SAMD12: variants seen among roughly 807,000 people sequenced by gnomAD.
The protein encoded by SAMD12 is sterile alpha motif domain containing 12.
In SAMD12, 9 loss-of-function variants were observed where a neutral mutation model predicts 15.0. That is an observed-to-expected ratio of 0.60 (90% CI 0.36 to 1.05). SAMD12 has a LOEUF of 1.05. Ranked by LOEUF, SAMD12 falls within the 50% of genes least tolerant of loss-of-function variation. SAMD12 has a pLI of 0.01. For synonymous variants in SAMD12, 86 were observed against 90.1 expected (o/e 0.96, Z 0.25); for missense variants, 230 against 234.2 (o/e 0.98, Z 0.12).
chr8:118,577,409 A>T (rs149866055), intron 2 of SAMD12, among the ~76,000 whole-genome samples: 157 of 152,296 alleles, frequency 1.0e-3, no homozygotes, highest in African/African-American at 3.7e-3. Context: ...GATTAAGCAC[A>T]TGCTACAATC....
At chr8:118,552,289 G>T (rs1217623176) in intron 2 of SAMD12, among the ~76,000 whole-genome samples, 2 of 152,114 alleles carry the variant, frequency 1.3e-5, no homozygotes, top group African/African-American at 4.8e-5. Flanking sequence ...TAAAATACCG[G>T]CAAACCGAAT....
the SAMD12 span, among the ~76,000 whole-genome samples, chr8:118,166,919 G>A: frequency 6.6e-6 from 1 of 152,040 alleles, no homozygotes; most frequent in Non-Finnish European, 1.5e-5. Context: ...ATCCCTGCTG[G>A]GCCTCCTCTG....
At chr8:118,528,906 G>T (rs1271660735) in intron 2 of SAMD12, among the ~76,000 whole-genome samples, 1 of 151,976 alleles carries the variant, frequency 6.6e-6, no homozygotes, top group Non-Finnish European at 1.5e-5. Context: ...CTGCCTCTGT[G>T]ACCTCAATAT....
At chr8:118,384,418 C>A (rs945891599) in intron 3 of SAMD12, among the ~76,000 whole-genome samples, 16 of 152,158 alleles carry the variant, frequency 1.1e-4, no homozygotes, top group Non-Finnish European at 1.9e-4. Flanking sequence ...CGCGGACTAT[C>A]ACAGTCATCT....
the SAMD12 span, among the ~76,000 whole-genome samples, chr8:118,136,157 G>A: frequency 3.3e-4 from 50 of 152,202 alleles, 1 homozygote; most frequent in African/African-American, 1.1e-3. Flanking sequence ...AGCCTCCTGA[G>A]TAGCTGGGAT....
chr8:118,292,766 T>C (rs1188639814), intron 4 of SAMD12, among the ~76,000 whole-genome samples: 3 of 151,612 alleles, frequency 2.0e-5, no homozygotes, highest in Non-Finnish European at 4.4e-5. Context: ...ATGGATGAAA[T>C]TGGAAATCAT....
chr8:118,223,963 T>C (rs936596144), intron 4 of SAMD12, among the ~76,000 whole-genome samples: 2 of 152,166 alleles, frequency 1.3e-5, no homozygotes, highest in African/African-American at 4.8e-5. Context: ...AGGGTAACAA[T>C]TGCAATATAT....
At chr8:118,595,357 AC>A (rs1002703332) in intron 1 of SAMD12, among the ~76,000 whole-genome samples, 4 of 152,368 alleles carry the variant, frequency 2.6e-5, no homozygotes, top group African/African-American at 9.6e-5. Flanking sequence ...ATATTAAAAA[AC>A]AAACAAAAAA....
intron 2 of SAMD12, among the ~76,000 whole-genome samples, chr8:118,454,787 C>T (rs1823197769): frequency 6.6e-6 from 1 of 152,156 alleles, no homozygotes; most frequent in Non-Finnish European, 1.5e-5. Context: ...AACAATAACT[C>T]CCTGTCCCCT....
At chr8:118,399,755 A>T (rs896315697) in intron 3 of SAMD12, among the ~76,000 whole-genome samples, 1 of 152,164 alleles carries the variant, frequency 6.6e-6, no homozygotes, top group African/African-American at 2.4e-5. Context: ...AGCCTGCTTC[A>T]TGGGGAACCA....
At chr8:118,192,188 G>A (rs1216076962) in exon 5 of SAMD12, 1 of 151,614 alleles carries the variant, frequency 6.6e-6, no homozygotes, top group Non-Finnish European at 1.5e-5. Flanking sequence ...ATTTTTTTTA[G>A]CATTACATAT....
rs183494119 is a variant in SAMD12 at position 118,605,433 on chromosome 8, C to T, written c.13+16371G>A. Among the ~76,000 whole-genome samples, 6 of 152,134 alleles carry T rather than the reference C, an allele frequency of 3.9e-5. No homozygotes were observed. In the East Asian group the frequency reaches 1.2e-3, roughly 29 times the overall value. On this transcript the variant is annotated intron_variant, in intron 1 of 3. Transcript: ENST00000314727. ...GTACAGCTAGTCATTTATAGAAAGC[C>T]TAGAAGGAAATGTTAATAATCCTTG...
intron 2 of SAMD12, among the ~76,000 whole-genome samples, chr8:118,539,170 A>G (rs1825926486): frequency 6.6e-6 from 1 of 152,246 alleles, no homozygotes; most frequent in Non-Finnish European, 1.5e-5. Context: ...GGCATTGCTG[A>G]TCATATATAG....
chr8:118,138,480 C>A, the SAMD12 span, among the ~76,000 whole-genome samples: 3 of 152,194 alleles, frequency 2.0e-5, no homozygotes, highest in Non-Finnish European at 4.4e-5. Flanking sequence ...CCACTCCCAC[C>A]ATGTGAGGAC....
intron 4 of SAMD12, among the ~76,000 whole-genome samples, chr8:118,221,144 T>C (rs1028523671): frequency 6.6e-6 from 1 of 152,180 alleles, no homozygotes; most frequent in Non-Finnish European, 1.5e-5. Context: ...CGTCTATTAG[T>C]ATTTACGGTC....
chr8:118,397,689 G>C (rs1449800210), intron 3 of SAMD12, among the ~76,000 whole-genome samples: 2 of 152,008 alleles, frequency 1.3e-5, no homozygotes, highest in African/African-American at 4.8e-5. Flanking sequence ...TGCTGGGCTG[G>C]GTATAACTAT....
At chr8:118,532,359 T>C (rs1825712554) in intron 2 of SAMD12, among the ~76,000 whole-genome samples, 2 of 151,966 alleles carry the variant, frequency 1.3e-5, no homozygotes, top group South Asian at 2.1e-4. Context: ...TTGAGGATTT[T>C]TGTATCAATG....
At chr8:118,583,179 A>C (rs1827340005) in intron 1 of SAMD12, among the ~76,000 whole-genome samples, 1 of 152,116 alleles carries the variant, frequency 6.6e-6, no homozygotes, top group South Asian at 2.1e-4. Context: ...AATTCCCCAA[A>C]CCACACTGCT....
intron 2 of SAMD12, among the ~76,000 whole-genome samples, chr8:118,527,385 T>C (rs1825562605): frequency 6.6e-6 from 1 of 152,208 alleles, no homozygotes; most frequent in Admixed American, 6.5e-5. Context: ...ATCATTTCAT[T>C]AACAGAGAAG....
Sources: allele counts gnomAD v4.1 joint callset (sites outside exome capture counted in the v4.1 genomes callset), GRCh38; gene constraint gnomAD v4.1.1; transcripts MANE v1.5; gene names NCBI Gene and HGNC (gene_info 2026-07-23, HGNC 2026-07-21).